Variants in GAB1 observed in about 807,000 individuals in gnomAD.
The protein encoded by GAB1 is GRB2 associated binding protein 1.
Under a neutral mutation model 66.5 loss-of-function variants are expected in GAB1, and 19 were observed. The observed-to-expected ratio is 0.29, with a 90% CI of 0.20 to 0.42. The LOEUF (loss-of-function observed/expected upper bound fraction) is 0.42. Ranked by LOEUF, GAB1 falls within the 10% of genes least tolerant of loss-of-function variation. GAB1 has a pLI of 1.00. For synonymous variants in GAB1, 294 were observed against 301.4 expected, an observed-to-expected ratio of 0.98 and a Z score of 0.25; for missense variants, 732 against 858.5, an observed-to-expected ratio of 0.85 and a Z score of 1.84.
intron 2 of GAB1, among the ~76,000 whole-genome samples, chr4:143,420,750 A>G (rs1732967586): frequency 6.6e-6 from 1 of 152,084 alleles, no homozygotes; most frequent in South Asian, 2.1e-4. Context: ...CAAAATGCCC[A>G]GATCATAGTG....
chr4:143,360,204 G>A (rs564427708), intron 1 of GAB1, among the ~76,000 whole-genome samples: 1 of 152,308 alleles, frequency 6.6e-6, no homozygotes, highest in Admixed American at 6.5e-5. Context: ...CTGAAATAAT[G>A]AGGGGGAGAA....
chr4:143,356,389 A>G (rs1274822583), intron 1 of GAB1, among the ~76,000 whole-genome samples: 1 of 152,210 alleles, frequency 6.6e-6, no homozygotes, highest in Non-Finnish European at 1.5e-5. Context: ...TGTTTTTAAA[A>G]AAGTACTTGT....
intron 1 of GAB1, among the ~76,000 whole-genome samples, chr4:143,359,185 T>A (rs752733382): frequency 3.3e-5 from 5 of 152,220 alleles, no homozygotes; most frequent in Non-Finnish European, 7.3e-5. Context: ...TTTGGGGCCA[T>A]TTCCGTTTTC....
intron 1 of GAB1, among the ~76,000 whole-genome samples, chr4:143,405,443 G>A (rs1017085614): frequency 1.3e-5 from 2 of 152,140 alleles, no homozygotes; most frequent in Non-Finnish European, 2.9e-5. Context: ...AGCCTTGTGG[G>A]CTGGAGATTT....
At chr4:143,410,861 C>G (rs941177938) in intron 1 of GAB1, among the ~76,000 whole-genome samples, 1 of 152,122 alleles carries the variant, frequency 6.6e-6, no homozygotes, top group African/African-American at 2.4e-5. Flanking sequence ...TGAGCACCTC[C>G]TTGGCGCTAG....
intron 9 of GAB1, among the ~76,000 whole-genome samples, chr4:143,466,671 G>T (rs1401997204): frequency 6.6e-6 from 1 of 151,528 alleles, no homozygotes; most frequent in East Asian, 1.9e-4. Context: ...TGTATTTTTA[G>T]TAGAGACACG....
intron 6 of GAB1, among the ~76,000 whole-genome samples, chr4:143,446,493 G>T (rs930348869): frequency 6.6e-6 from 1 of 150,970 alleles, no homozygotes; most frequent in Non-Finnish European, 1.5e-5. Flanking sequence ...ATTCTAACTG[G>T]TGTGAGATGG....
intron 1 of GAB1, among the ~76,000 whole-genome samples, chr4:143,409,209 A>G (rs1732226075): frequency 6.6e-6 from 1 of 152,200 alleles, no homozygotes; most frequent in African/African-American, 2.4e-5. Flanking sequence ...GTAGGAGCTC[A>G]TGGTGAGGGA....
intron 1 of GAB1, among the ~76,000 whole-genome samples, chr4:143,353,730 C>T (rs1367581654): frequency 6.6e-6 from 1 of 151,460 alleles, no homozygotes; most frequent in Non-Finnish European, 1.5e-5. Flanking sequence ...ATGAGTATCA[C>T]CAGCATTTGT....
intron 6 of GAB1, among the ~76,000 whole-genome samples, chr4:143,445,260 T>A (rs1033424958): frequency 2.6e-4 from 40 of 152,310 alleles, no homozygotes; most frequent in African/African-American, 9.4e-4. Flanking sequence ...CATCTGTTGT[T>A]TTTTGACTTT....
intron 1 of GAB1, among the ~76,000 whole-genome samples, chr4:143,362,460 G>C (rs1214849374): frequency 1.3e-5 from 2 of 152,118 alleles, no homozygotes; most frequent in African/African-American, 4.8e-5. Flanking sequence ...AGGGCTGCTG[G>C]TTGGCTATTT....
intron 2 of GAB1, chr4:143,425,155 A>G (rs1479571716): frequency 1.7e-5 from 14 of 815,604 alleles, no homozygotes; most frequent in Non-Finnish European, 2.6e-5. Flanking sequence ...CAGATGGAAT[A>G]GTACATCTCT....
At chr4:143,369,592 A>G (rs1730031915) in intron 1 of GAB1, among the ~76,000 whole-genome samples, 1 of 152,352 alleles carries the variant, frequency 6.6e-6, no homozygotes, top group South Asian at 2.1e-4. Context: ...TTATAAACTC[A>G]TATTTGGAGA....
At position 143,464,331 on chromosome 4, in the gene GAB1, C is replaced by T. The variant is rs546663094; in HGVS notation, c.1804-1772C>T. Among the ~76,000 whole-genome samples, 6 of 152,194 alleles carry T rather than the reference C, an allele frequency of 3.9e-5. No homozygotes were observed. The East Asian group carries it at 7.7e-4, about 20-fold the overall frequency. ...TGCAACCTCCGCCTCCGGGTTCAAG[C>T]GATTATCCTGCCTCAGCCTCCCAAG... is the stretch of plus-strand genomic sequence containing the variant. On this transcript the variant is annotated intron_variant, in intron 8 of 9. Transcript: ENST00000262994.
At chr4:143,398,642 C>G (rs1204810494) in intron 1 of GAB1, among the ~76,000 whole-genome samples, 1 of 151,390 alleles carries the variant, frequency 6.6e-6, no homozygotes, top group East Asian at 1.9e-4. Context: ...ATATATGTCA[C>G]TAATCATGGT....
chr4:143,337,373 C>A (rs1293731925), intron 1 of GAB1, 113 bp downstream of exon 1: 2 of 877,276 alleles, frequency 2.3e-6, no homozygotes, highest in Non-Finnish European at 3.6e-6. Context: ...AAACGAATGC[C>A]GGTCTCTTTC....
chr4:143,429,265 G>C (rs1416907303), intron 2 of GAB1, among the ~76,000 whole-genome samples: 1 of 152,076 alleles, frequency 6.6e-6, no homozygotes, highest in Non-Finnish European at 1.5e-5. Flanking sequence ...ACCACACCTG[G>C]CTAATTTTTG....
chr4:143,420,090 T>C (rs1466428484), intron 2 of GAB1, among the ~76,000 whole-genome samples: 1 of 152,152 alleles, frequency 6.6e-6, no homozygotes, highest in Non-Finnish European at 1.5e-5. Flanking sequence ...TATTCTCTTG[T>C]GTCCAAATAG....
chr4:143,410,888 G>A (rs2149711944), intron 1 of GAB1, among the ~76,000 whole-genome samples: 1 of 152,326 alleles, frequency 6.6e-6, no homozygotes. Flanking sequence ...GGAAAGGAAA[G>A]AAGAAAGGTT....
Sources: allele counts gnomAD v4.1 joint callset (sites outside exome capture counted in the v4.1 genomes callset), GRCh38; gene constraint gnomAD v4.1.1; transcripts MANE v1.5; gene names NCBI Gene and HGNC (gene_info 2026-07-23, HGNC 2026-07-21).